The following ACER2 variants were observed in gnomAD, a reference collection of about 807,000 sequenced individuals.
ACER2 encodes the protein alkCDase 2.
Under a neutral mutation model 34.7 loss-of-function variants are expected in ACER2, and 26 were observed. The observed-to-expected ratio is 0.75, with a 90% CI of 0.55 to 1.04. ACER2 has a LOEUF of 1.04. Ranked by LOEUF, ACER2 falls within the 50% of genes least tolerant of loss-of-function variation. ACER2 has a pLI of 0.00. For missense variants in ACER2, 352 were observed against 340.8 expected (o/e 1.03, Z -0.26); for synonymous variants, 138 against 132.1 (o/e 1.04, Z -0.31).
intron 3 of ACER2, among the ~76,000 whole-genome samples, chr9:19,433,065 G>A (rs1036185771): frequency 6.6e-6 from 1 of 151,360 alleles, no homozygotes; most frequent in Admixed American, 6.6e-5. Flanking sequence ...CCATTCTCAT[G>A]GCCAAATAAT....
At chr9:19,444,154 TA>T (rs142554474) in intron 4 of ACER2, among the ~76,000 whole-genome samples, 63,147 of 95,294 alleles carry the variant, frequency 0.66, 17,572 homozygotes, top group East Asian at 0.81. Flanking sequence ...GCTGATGAGC[TA>T]AAAAAAAAAA....
At chr9:19,412,413 G>C (rs1456387152) in intron 1 of ACER2, among the ~76,000 whole-genome samples, 1 of 152,142 alleles carries the variant, frequency 6.6e-6, no homozygotes, top group Non-Finnish European at 1.5e-5. Context: ...AGCACTTTGG[G>C]AGGCTGAGGC....
intron 1 of ACER2, among the ~76,000 whole-genome samples, chr9:19,414,750 A>G (rs1452845483): frequency 6.6e-6 from 1 of 151,824 alleles, no homozygotes; most frequent in African/African-American, 2.4e-5. Flanking sequence ...ATCTAACAAT[A>G]GGCTTTAAAA....
intron 1 of ACER2, among the ~76,000 whole-genome samples, chr9:19,415,140 T>C (rs1830204691): frequency 6.6e-6 from 1 of 152,194 alleles, no homozygotes; most frequent in Admixed American, 6.5e-5. Context: ...TTCAGTATTA[T>C]TTGAAGCATA....
intron 3 of ACER2, among the ~76,000 whole-genome samples, chr9:19,434,333 C>T (rs1179629400): frequency 2.6e-5 from 4 of 151,600 alleles, no homozygotes; most frequent in African/African-American, 7.2e-5. Flanking sequence ...AGACGATGGC[C>T]GGCCAGGCAG....
chr9:19,430,751 A>C (rs553800594), intron 3 of ACER2, among the ~76,000 whole-genome samples: 214 of 152,246 alleles, frequency 1.4e-3, no homozygotes, highest in African/African-American at 4.7e-3. Flanking sequence ...TGAGGTCAGG[A>C]GTTTGAGACT....
chr9:19,441,303 C>T (rs1002988412), intron 4 of ACER2, among the ~76,000 whole-genome samples: 2 of 152,130 alleles, frequency 1.3e-5, no homozygotes, highest in Non-Finnish European at 2.9e-5. Context: ...CCCTCCTTGG[C>T]CTCCCAAATT....
rs765498577 is a variant in ACER2 at position 19,434,911 on chromosome 9, T to C, written c.366-36T>C. 6 of 1,611,214 alleles carry C rather than the reference T, an allele frequency of 3.7e-6. No homozygotes were observed. In the Admixed American group the frequency reaches 5.0e-5, roughly 13 times the overall value. Reference sequence around the variant, plus strand: ...AACAAACAAACAAACAAGAACTCCTTTTCTAATGGATTTGGTTTTGCTTTC... The same window carrying C: ...AACAAACAAACAAACAAGAACTCCTCTTCTAATGGATTTGGTTTTGCTTTC... On this transcript the variant is annotated intron_variant, in intron 3 of 5. Transcript: ENST00000340967.
intron 3 of ACER2, among the ~76,000 whole-genome samples, chr9:19,427,094 A>G (rs1460356850): frequency 6.6e-6 from 1 of 152,172 alleles, no homozygotes; most frequent in Non-Finnish European, 1.5e-5. Flanking sequence ...TACAACTTGC[A>G]GACTGTATGA....
Position 19,409,284 on chromosome 9 carries a change from C to A in ACER2, c.108+92C>A. 4.7e-6 allele frequency: 6 copies of A among 1,277,922 alleles called. No homozygotes were observed. The South Asian group carries it at 6.5e-5, about 14-fold the overall frequency. 79.2% of individuals were successfully genotyped at this position (1,277,922 alleles called of 1,614,324 possible). A position where few individuals can be genotyped will look rare whatever the true frequency, so the allele number is the denominator to read the frequency against. Reference sequence around the variant, plus strand: ...TCTGGAAGCTGGACGTGGGTCTCTGCGCGCATCTGGGGGCATTCTCTCCAG... The same window carrying A: ...TCTGGAAGCTGGACGTGGGTCTCTGAGCGCATCTGGGGGCATTCTCTCCAG... On this transcript the variant is annotated intron_variant, in intron 1 of 5. Transcript: ENST00000340967.
chr9:19,450,405 A>T (rs1186234752), intron 5 of ACER2, 45 bp from the exon 6 acceptor site: 10 of 1,519,658 alleles, frequency 6.6e-6, no homozygotes, highest in South Asian at 1.3e-5. Flanking sequence ...AGGGCAGCGG[A>T]GTCTTCATGC....
chr9:19,415,547 T>TA (rs1000773045), intron 1 of ACER2, among the ~76,000 whole-genome samples: 1 of 151,814 alleles, frequency 6.6e-6, no homozygotes, highest in Admixed American at 6.6e-5. Context: ...AATTAAAAAT[T>TA]AAAAAAAAGT....
chr9:19,423,887 T>C lies in ACER2; in HGVS notation c.134T>C (p.Leu45Ser). ...NTISNVLFFI[L>S]PPICMCLFRQ... ...ATCAGCAATGTCTTATTTTTCATTT[T>C]ACCGCCCATCTGCATGTGCTTGTTT... is the stretch of plus-strand genomic sequence containing the variant. Residue 45 changes from leucine (L) to serine (S), a missense_variant, in exon 2 of 6, where the codon TTA (leucine) becomes TCA (serine). Physicochemically the swap from Leu to Ser is moderately radical, Grantham distance 145. Transcript: ENST00000340967. 6.2e-7 allele frequency: 1 copy of C among 1,614,118 alleles called. No individual in the cohort carries two copies. The highest frequency in any genetic ancestry group is 1.1e-5 in the South Asian group (1 of 91,078).
At chr9:19,431,532 G>T (rs969528010) in intron 3 of ACER2, among the ~76,000 whole-genome samples, 6 of 152,204 alleles carry the variant, frequency 3.9e-5, no homozygotes, top group African/African-American at 1.4e-4. Flanking sequence ...CTTGGCATGC[G>T]TCAAACCCAG....
chr9:19,434,178 G>C (rs1001067090), intron 3 of ACER2, among the ~76,000 whole-genome samples: 1 of 151,254 alleles, frequency 6.6e-6, no homozygotes, highest in Non-Finnish European at 1.5e-5. Flanking sequence ...GATGATGGGC[G>C]GCCGGGCAGA....
Position 19,409,520 on chromosome 9 carries a change from G to A in ACER2, c.108+328G>A, listed in dbSNP as rs541266850. 2.0e-5 allele frequency among the ~76,000 whole-genome samples: 3 copies of A among 152,208 alleles called. No individual in the cohort carries two copies. In the South Asian group the frequency reaches 6.2e-4, roughly 32 times the overall value. On this transcript the variant is annotated intron_variant, in intron 1 of 5. Coordinates refer to ENST00000340967, the MANE Select transcript of ACER2 (RefSeq NM_001010887.3). ...TCCTTGTTTGGGTCAGCTGGGGGCGGTGAACCTGCCGGGACAAGTCTCTTC... is the reference window on the plus strand; with the variant it reads ...TCCTTGTTTGGGTCAGCTGGGGGCGATGAACCTGCCGGGACAAGTCTCTTC...
intron 3 of ACER2, among the ~76,000 whole-genome samples, chr9:19,432,800 C>T (rs1830799393): frequency 6.7e-6 from 1 of 149,790 alleles, no homozygotes; most frequent in Non-Finnish European, 1.5e-5. Context: ...TAGGTTATAG[C>T]TTACTGTAAA....
chr9:19,424,964 G>T (rs935819455), intron 3 of ACER2, 123 bp downstream of exon 3: 1 of 1,217,610 alleles, frequency 8.2e-7, no homozygotes, highest in African/African-American at 1.5e-5. Context: ...TCATATACTT[G>T]TTCAATATCT....
intron 4 of ACER2, among the ~76,000 whole-genome samples, chr9:19,439,898 C>T (rs557194952): frequency 2.0e-4 from 30 of 152,264 alleles, no homozygotes; most frequent in African/African-American, 6.5e-4. Flanking sequence ...ATCCAGGAGG[C>T]GGAGGTTGTG....
Sources: gnomAD v4.1 joint callset for allele counts (sites outside exome capture counted in the v4.1 genomes callset) on GRCh38, gnomAD v4.1.1 for gene constraint, MANE v1.5 for transcripts, NCBI Gene and HGNC (gene_info 2026-07-23, HGNC 2026-07-21) for gene names.